The following CSMD3 variants were observed in gnomAD, a reference collection of about 807,000 sequenced individuals.
CSMD3 encodes CUB and Sushi multiple domains 3, also known as CUB and sushi domain-containing protein 3.
In CSMD3, 177 loss-of-function variants were observed where a neutral mutation model predicts 435.2. The ratio of observed to expected loss-of-function variants is 0.41; its 90% confidence interval spans 0.36 to 0.46. The LOEUF (loss-of-function observed/expected upper bound fraction) is 0.46. Among genes scored for constraint, CSMD3 ranks in the 20% least tolerant of loss-of-function variants. CSMD3 has a pLI of 0.34. For missense variants in CSMD3, 4,265 were observed against 4,504.6 expected (o/e 0.95, Z 1.52); for synonymous variants, 1,656 against 1,520.5 (o/e 1.09, Z -2.07).
intron 13 of CSMD3, among the ~76,000 whole-genome samples, chr8:112,753,861 AG>A (rs2077629604): frequency 6.6e-6 from 1 of 152,194 alleles, no homozygotes; most frequent in African/African-American, 2.4e-5. Context: ...TGTGCTAATA[AG>A]TCATCTAGTT....
chr8:113,073,084 C>A (rs1319514825), intron 5 of CSMD3, among the ~76,000 whole-genome samples: 1 of 151,790 alleles, frequency 6.6e-6, no homozygotes, highest in African/African-American at 2.4e-5. Context: ...CAGGAAATCT[C>A]TCCCGAATTT....
At chr8:112,741,948 T>C (rs1275837948) in intron 13 of CSMD3, among the ~76,000 whole-genome samples, 1 of 151,886 alleles carries the variant, frequency 6.6e-6, no homozygotes, top group Admixed American at 6.6e-5. Flanking sequence ...AAGAGTGGTC[T>C]TCAAGCAAAG....
chr8:113,342,849 T>C (rs1186068951), intron 1 of CSMD3, among the ~76,000 whole-genome samples: 1 of 151,608 alleles, frequency 6.6e-6, no homozygotes, highest in Non-Finnish European at 1.5e-5. Context: ...CCAAAGTCTG[T>C]ACATACTGTT....
chr8:112,747,962 C>CAAAAAAAAAAAAAAAAAAAAA (rs71309788), intron 13 of CSMD3, among the ~76,000 whole-genome samples: 44 of 96,748 alleles, frequency 4.5e-4, no homozygotes, highest in African/African-American at 9.6e-4. Flanking sequence ...GACTCCGTCT[C>CAAAAAAAAAAAAAAAAAAAAA]AAAAAAAAAA....
chr8:112,864,834 T>G (rs2080930974), intron 10 of CSMD3, among the ~76,000 whole-genome samples: 1 of 152,184 alleles, frequency 6.6e-6, no homozygotes, highest in African/African-American at 2.4e-5. Context: ...TTAGCTAATA[T>G]TTATGCGTTT....
chr8:113,382,658 T>C (rs183582477), intron 1 of CSMD3, among the ~76,000 whole-genome samples: 103 of 152,226 alleles, frequency 6.8e-4, no homozygotes, highest in African/African-American at 2.3e-3. Context: ...ATTAAGCATA[T>C]GGTTACTAGT....
intron 13 of CSMD3, among the ~76,000 whole-genome samples, chr8:112,707,765 T>C (rs948631846): frequency 6.6e-6 from 1 of 152,108 alleles, no homozygotes; most frequent in Non-Finnish European, 1.5e-5. Flanking sequence ...GAATTTGAAA[T>C]AACAGGTAAC....
chr8:112,750,639 T>A (rs184960306), intron 13 of CSMD3, among the ~76,000 whole-genome samples: 1 of 151,996 alleles, frequency 6.6e-6, no homozygotes, highest in Non-Finnish European at 1.5e-5. Flanking sequence ...GGCATGTTCA[T>A]AGAACAGTAA....
intron 1 of CSMD3, among the ~76,000 whole-genome samples, chr8:113,419,511 G>T (rs186818337): frequency 3.3e-5 from 5 of 152,186 alleles, no homozygotes; most frequent in South Asian, 2.1e-4. Flanking sequence ...TGCATAAAAA[G>T]CTCTGCTTGG....
At chr8:112,387,902 G>A (rs774289076) in intron 36 of CSMD3, among the ~76,000 whole-genome samples, 2 of 152,184 alleles carry the variant, frequency 1.3e-5, no homozygotes, top group Non-Finnish European at 2.9e-5. Flanking sequence ...ACACTGCCAA[G>A]CACTGTGCAG....
At chr8:112,650,444 A>AT in intron 18 of CSMD3, 95 bp from the exon 19 acceptor site, 1 of 1,007,186 alleles carries the variant, frequency 9.9e-7, no homozygotes, top group South Asian at 1.3e-5. Context: ...ACAAGCAATG[A>AT]TTTTTACAAA....
chr8:112,643,786 C>T (rs1017685462), intron 20 of CSMD3, among the ~76,000 whole-genome samples: 18 of 151,334 alleles, frequency 1.2e-4, no homozygotes, highest in East Asian at 7.8e-4. Flanking sequence ...ATTTTAACAA[C>T]GCTTTTTCTC....
intron 3 of CSMD3, among the ~76,000 whole-genome samples, chr8:113,269,901 G>T (rs1348208748): frequency 1.3e-5 from 2 of 151,682 alleles, no homozygotes; most frequent in African/African-American, 4.9e-5. Flanking sequence ...ACATAGGCAT[G>T]GGCAAGGACT....
At chr8:113,422,310 A>G (rs1011381777) in intron 1 of CSMD3, among the ~76,000 whole-genome samples, 1 of 152,138 alleles carries the variant, frequency 6.6e-6, no homozygotes, top group Non-Finnish European at 1.5e-5. Context: ...CTCTGCTCCT[A>G]CACATTAAAT....
intron 5 of CSMD3, among the ~76,000 whole-genome samples, chr8:113,078,304 G>C (rs1032329564): frequency 6.6e-6 from 1 of 152,124 alleles, no homozygotes; most frequent in Non-Finnish European, 1.5e-5. Flanking sequence ...TTATGCTACT[G>C]AGATCCCGTT....
intron 63 of CSMD3, among the ~76,000 whole-genome samples, chr8:112,248,277 C>T (rs1348874693): frequency 6.6e-6 from 1 of 152,012 alleles, no homozygotes; most frequent in Admixed American, 6.6e-5. Flanking sequence ...GGCATGATGA[C>T]TAAATTGGAG....
intron 5 of CSMD3, among the ~76,000 whole-genome samples, chr8:113,080,932 T>C (rs1199714150): frequency 1.3e-5 from 2 of 152,212 alleles, no homozygotes; most frequent in Admixed American, 6.5e-5. Flanking sequence ...CTATATCTTC[T>C]AGTTCTCTGT....
chr8:112,320,083 AAAT>A, intron 45 of CSMD3, 102 bp from the exon 46 acceptor site: 1 of 743,632 alleles, frequency 1.3e-6, no homozygotes, highest in Admixed American at 2.2e-5. Flanking sequence ...AAAAAAATAA[AAAT>A]AAATTACATA....
At chr8:113,085,856 T>C (rs1222879635) in intron 5 of CSMD3, among the ~76,000 whole-genome samples, 1 of 152,196 alleles carries the variant, frequency 6.6e-6, no homozygotes, top group Non-Finnish European at 1.5e-5. Context: ...TCTAGTGTTC[T>C]AGAACAATAG....
Sources: gnomAD v4.1 joint callset for allele counts (sites outside exome capture counted in the v4.1 genomes callset) on GRCh38, gnomAD v4.1.1 for gene constraint, MANE v1.5 for transcripts, NCBI Gene and HGNC (gene_info 2026-07-23, HGNC 2026-07-21) for gene names.